Variants in FSTL5 observed in about 807,000 individuals in gnomAD.
FSTL5 encodes follistatin-related protein 5.
Under a neutral mutation model 89.1 loss-of-function variants are expected in FSTL5, and 62 were observed. That is an observed-to-expected ratio of 0.70 (90% CI 0.57 to 0.86). The LOEUF (loss-of-function observed/expected upper bound fraction) is 0.86, where lower values mean the gene tolerates loss of function less well. Ranked by LOEUF, FSTL5 falls within the 40% of genes least tolerant of loss-of-function variation. FSTL5 has a pLI of 0.00. For missense variants in FSTL5, 1,057 were observed against 1,001.6 expected (o/e 1.06, Z -0.75); for synonymous variants, 383 against 346.2 (o/e 1.11, Z -1.18).
intron 4 of FSTL5, among the ~76,000 whole-genome samples, chr4:161,790,373 A>T (rs952987375): frequency 6.6e-6 from 1 of 152,180 alleles, no homozygotes; most frequent in South Asian, 2.1e-4. Flanking sequence ...AAGCATTGCT[A>T]CCCTCCAGTG....
chr4:162,158,486 TA>T (rs1733569520), intron 1 of FSTL5, among the ~76,000 whole-genome samples: 1 of 152,062 alleles, frequency 6.6e-6, no homozygotes, highest in Non-Finnish European at 1.5e-5. Context: ...GGGGAAATAA[TA>T]AGAGGCATTT....
intron 4 of FSTL5, among the ~76,000 whole-genome samples, chr4:161,778,091 A>G (rs1015624994): frequency 2.8e-5 from 2 of 71,516 alleles, no homozygotes; most frequent in African/African-American, 1.0e-4. Flanking sequence ...GAGACTCCGT[A>G]TCACACACAC....
intron 3 of FSTL5, among the ~76,000 whole-genome samples, chr4:161,961,698 GA>G (rs1245153014): frequency 6.6e-6 from 1 of 150,908 alleles, no homozygotes; most frequent in Non-Finnish European, 1.5e-5. Context: ...TTTCTCCATA[GA>G]AAAAAAAGAA....
At chr4:161,769,840 T>A (rs1254004496) in intron 5 of FSTL5, among the ~76,000 whole-genome samples, 3 of 151,500 alleles carry the variant, frequency 2.0e-5, no homozygotes, top group Non-Finnish European at 4.4e-5. Context: ...AGAAATAAAA[T>A]TTGGAAAGAA....
intron 3 of FSTL5, among the ~76,000 whole-genome samples, chr4:162,023,326 G>A (rs1317471691): frequency 6.6e-6 from 1 of 152,134 alleles, no homozygotes; most frequent in Non-Finnish European, 1.5e-5. Context: ...ATAAGTGACT[G>A]TATGAAGCAT....
chr4:161,567,332 G>A lies in FSTL5; in HGVS notation c.1015+20123C>T, dbSNP rs550496645. 5.3e-5 allele frequency among the ~76,000 whole-genome samples: 8 copies of A among 152,148 alleles called. No individual in the cohort carries two copies. The South Asian group carries it at 1.2e-3, about 24-fold the overall frequency. On this transcript the variant is annotated intron_variant, in intron 8 of 15. Coordinates refer to ENST00000306100, the MANE Select transcript of FSTL5 (RefSeq NM_020116.5). Reference sequence around the variant, plus strand: ...GGATTAACAAGTACACATGCAAATTGCAAAAGGTGCTTAAAATCTAATTAA... The same window carrying A: ...GGATTAACAAGTACACATGCAAATTACAAAAGGTGCTTAAAATCTAATTAA...
At chr4:161,942,087 CA>C (rs964354438) in intron 3 of FSTL5, among the ~76,000 whole-genome samples, 5 of 151,524 alleles carry the variant, frequency 3.3e-5, no homozygotes, top group Non-Finnish European at 5.9e-5. Flanking sequence ...TACTTAGAGA[CA>C]AAGAAAATGA....
At chr4:162,041,367 T>C (rs1049827526) in intron 2 of FSTL5, among the ~76,000 whole-genome samples, 2 of 152,060 alleles carry the variant, frequency 1.3e-5, no homozygotes, top group African/African-American at 2.4e-5. Context: ...GTTGGAATGG[T>C]TAAGTTACTA....
chr4:161,393,479 C>T (rs532599477), intron 15 of FSTL5, among the ~76,000 whole-genome samples: 25 of 151,884 alleles, frequency 1.6e-4, no homozygotes, highest in Non-Finnish European at 1.3e-4. Context: ...AGAGTGTTTC[C>T]GGAACCTCTT....
At chr4:161,977,972 G>C (rs1446756462) in intron 3 of FSTL5, among the ~76,000 whole-genome samples, 1 of 152,052 alleles carries the variant, frequency 6.6e-6, no homozygotes. Flanking sequence ...CACTGTCATA[G>C]TGATGCAAAA....
At chr4:161,636,137 T>C (rs1345377370) in intron 7 of FSTL5, among the ~76,000 whole-genome samples, 2 of 152,022 alleles carry the variant, frequency 1.3e-5, no homozygotes, top group African/African-American at 4.8e-5. Flanking sequence ...TGAATTTCAT[T>C]ATATAACTTA....
intron 15 of FSTL5, among the ~76,000 whole-genome samples, chr4:161,417,395 C>T (rs976225631): frequency 6.6e-6 from 1 of 152,194 alleles, no homozygotes; most frequent in Non-Finnish European, 1.5e-5. Context: ...TTATTTCATT[C>T]TAATTTGCAG....
chr4:161,649,866 A>G (rs1297266506), intron 7 of FSTL5, among the ~76,000 whole-genome samples: 1 of 152,180 alleles, frequency 6.6e-6, no homozygotes, highest in Non-Finnish European at 1.5e-5. Context: ...TTATACCGCT[A>G]CGGAACTGGA....
chr4:161,817,972 A>G (rs539091846), intron 4 of FSTL5, among the ~76,000 whole-genome samples: 1 of 152,308 alleles, frequency 6.6e-6, no homozygotes, highest in East Asian at 1.9e-4. Context: ...CACGGACCTA[A>G]GTGAGGACAG....
At chr4:161,881,064 G>A (rs1400003703) in intron 4 of FSTL5, among the ~76,000 whole-genome samples, 2 of 151,386 alleles carry the variant, frequency 1.3e-5, no homozygotes, top group African/African-American at 4.8e-5. Flanking sequence ...TCATCTCTAG[G>A]TATTACATGA....
chr4:161,846,438 T>G (rs549609515), intron 4 of FSTL5, among the ~76,000 whole-genome samples: 1 of 152,240 alleles, frequency 6.6e-6, no homozygotes, highest in East Asian at 1.9e-4. Flanking sequence ...AGTTACGAGT[T>G]AAGATAACAT....
chr4:161,925,854 T>C lies in FSTL5; in HGVS notation c.161-5202A>G, dbSNP rs2110878568. On this transcript the variant is annotated intron_variant, in intron 3 of 15. Coordinates refer to ENST00000306100, the MANE Select transcript of FSTL5 (RefSeq NM_020116.5). The stretch of plus-strand genomic sequence containing the variant: ...TGGCAGCATGTGTGTTCTCAAAATA[T>C]ACTCTTAAAATTTTCATGGACTTTC... 2.0e-5 allele frequency among the ~76,000 whole-genome samples: 3 copies of C among 151,970 alleles called. No individual in the cohort carries two copies. The Admixed American group carries it at 2.0e-4, about 10-fold the overall frequency.
intron 7 of FSTL5, among the ~76,000 whole-genome samples, chr4:161,605,623 C>T (rs1734412665): frequency 6.6e-6 from 1 of 152,166 alleles, no homozygotes; most frequent in Non-Finnish European, 1.5e-5. Context: ...CTCTATTTCA[C>T]TACTAAATTC....
chr4:161,639,490 T>A (rs1735868056), intron 7 of FSTL5, among the ~76,000 whole-genome samples: 1 of 152,130 alleles, frequency 6.6e-6, no homozygotes, highest in Non-Finnish European at 1.5e-5. Flanking sequence ...AAAACATAAA[T>A]TATTATTGCA....
Sources: gnomAD v4.1 joint callset for allele counts (sites outside exome capture counted in the v4.1 genomes callset) on GRCh38, gnomAD v4.1.1 for gene constraint, MANE v1.5 for transcripts, NCBI Gene and HGNC (gene_info 2026-07-23, HGNC 2026-07-21) for gene names.